GRM7: variants seen among roughly 807,000 people sequenced by gnomAD.
The protein encoded by GRM7 is glutamate metabotropic receptor 7.
A neutral mutation model predicts 84.5 loss-of-function variants in GRM7; 35 were observed. The ratio of observed to expected loss-of-function variants is 0.41; its 90% confidence interval spans 0.32 to 0.55. GRM7 has a LOEUF of 0.55. Among genes scored for constraint, GRM7 ranks in the 20% least tolerant of loss-of-function variants. GRM7 has a pLI of 0.19. For synonymous variants in GRM7, 487 were observed against 455.1 expected (o/e 1.07, Z -0.89); for missense variants, 1,003 against 1,194.6 (o/e 0.84, Z 2.36).
chr3:7,561,785 T>C (rs1694038692), intron 7 of GRM7, among the ~76,000 whole-genome samples: 1 of 152,180 alleles, frequency 6.6e-6, no homozygotes, highest in South Asian at 2.1e-4. Flanking sequence ...GTTTGTGAGA[T>C]AGTAGATTCT....
chr3:7,681,564 TGTGAC>T (rs1700369268), intron 9 of GRM7: 1 of 152,218 alleles, frequency 6.6e-6, no homozygotes, highest in Non-Finnish European at 1.5e-5. Context: ...AGTTTGACTT[TGTGAC>T]AGAAGTCCTA....
intron 1 of GRM7, among the ~76,000 whole-genome samples, chr3:7,002,775 G>C (rs1332980893): frequency 6.6e-6 from 1 of 152,154 alleles, no homozygotes; most frequent in Non-Finnish European, 1.5e-5. Flanking sequence ...ATGCTGAAGA[G>C]TTGTCTCCAC....
intron 4 of GRM7, among the ~76,000 whole-genome samples, chr3:7,394,566 G>A (rs1473110988): frequency 6.6e-6 from 1 of 151,918 alleles, no homozygotes; most frequent in Non-Finnish European, 1.5e-5. Context: ...ATTTTTTGAG[G>A]GTGATATAAA....
chr3:6,896,815 A>G (rs1696199690), intron 1 of GRM7, among the ~76,000 whole-genome samples: 1 of 152,100 alleles, frequency 6.6e-6, no homozygotes, highest in Non-Finnish European at 1.5e-5. Flanking sequence ...TTGAATTCTT[A>G]GTCCCATTGT....
chr3:6,862,722 T>TCCCCCCCC lies in GRM7; in HGVS notation c.519+822_519+823insCCCCCCCC, dbSNP rs150780642. ...ATCGCTCTCCCTGCCTCCTCCCTCC[T>TCCCCCCCC]CCCCCCCGCCCCCCTCACCCACTAT... On this transcript the variant is annotated intron_variant, in intron 1 of 9. Coordinates refer to ENST00000357716, the MANE Select transcript of GRM7 (RefSeq NM_000844.4). This position sits in a 1 kb window ranked among gnomAD's most constrained non-coding sequence, Gnocchi z 5.2. 3 of 241,762 alleles carry TCCCCCCCC rather than the reference T, an allele frequency of 1.2e-5. No homozygotes were observed. Among genetic ancestry groups the TCCCCCCCC allele is most frequent in the South Asian group, 3.0e-5 (1 of 33,380 alleles). 15.0% of individuals were successfully genotyped at this position (241,762 alleles called of 1,614,324 possible).
chr3:7,066,515 G>T (rs1375971700), intron 1 of GRM7, among the ~76,000 whole-genome samples: 1 of 151,768 alleles, frequency 6.6e-6, no homozygotes, highest in African/African-American at 2.4e-5. Context: ...CAAGCAGCAA[G>T]ATTGAAATGG....
At chr3:7,068,457 G>A (rs1697747441) in intron 1 of GRM7, among the ~76,000 whole-genome samples, 1 of 151,934 alleles carries the variant, frequency 6.6e-6, no homozygotes, top group Non-Finnish European at 1.5e-5. Flanking sequence ...TCAACAAACT[G>A]TTTTTCTACT....
chr3:7,388,805 C>A (rs1478738649), intron 4 of GRM7, among the ~76,000 whole-genome samples: 1 of 151,950 alleles, frequency 6.6e-6, no homozygotes, highest in African/African-American at 2.4e-5. Context: ...GTTAATCAGG[C>A]TATCAATCTT....
At chr3:7,235,619 T>C (rs1697325058) in intron 2 of GRM7, among the ~76,000 whole-genome samples, 1 of 152,186 alleles carries the variant, frequency 6.6e-6, no homozygotes, top group South Asian at 2.1e-4. Context: ...TCCTCATCCA[T>C]CATACATTTA....
At chr3:6,864,147 A>C (rs769797955) in intron 1 of GRM7, among the ~76,000 whole-genome samples, 1 of 152,176 alleles carries the variant, frequency 6.6e-6, no homozygotes, top group Non-Finnish European at 1.5e-5. Context: ...TCTAATTTGC[A>C]AATTGCAGCT....
At chr3:7,400,927 T>TAAATACTGTGCTA (rs1169948196) in intron 4 of GRM7, among the ~76,000 whole-genome samples, 9 of 152,178 alleles carry the variant, frequency 5.9e-5, no homozygotes, top group Admixed American at 5.2e-4. Context: ...AGAATTGAAA[T>TAAATACTGTGCTA]AATATATCAT....
intron 2 of GRM7, among the ~76,000 whole-genome samples, chr3:7,219,325 C>G (rs1696721024): frequency 6.6e-6 from 1 of 152,154 alleles, no homozygotes; most frequent in African/African-American, 2.4e-5. Flanking sequence ...TCAGAACAGA[C>G]AGAGCTCATA....
At chr3:7,362,887 C>A (rs1575221568) in intron 4 of GRM7, among the ~76,000 whole-genome samples, 3 of 152,064 alleles carry the variant, frequency 2.0e-5, no homozygotes, top group Admixed American at 6.6e-5. Context: ...CAGCAATTTG[C>A]GAGGCCAGGG....
chr3:7,078,316 G>A (rs1698163713), intron 1 of GRM7, among the ~76,000 whole-genome samples: 1 of 152,174 alleles, frequency 6.6e-6, no homozygotes. Flanking sequence ...CCCTGCCTAA[G>A]GCCTATTGAT....
At chr3:7,185,631 T>A (rs1165256744) in intron 2 of GRM7, among the ~76,000 whole-genome samples, 3 of 152,190 alleles carry the variant, frequency 2.0e-5, no homozygotes, top group African/African-American at 7.2e-5. Flanking sequence ...CTTGAAGTAG[T>A]TCTTAAGAAG....
chr3:7,514,960 T>C (rs139021892), intron 7 of GRM7, among the ~76,000 whole-genome samples: 1 of 151,952 alleles, frequency 6.6e-6, no homozygotes, highest in East Asian at 1.9e-4. Context: ...GACTGTTGAG[T>C]CACAGAAGAC....
chr3:7,089,729 A>G (rs1331896478), intron 1 of GRM7, among the ~76,000 whole-genome samples: 1 of 152,248 alleles, frequency 6.6e-6, no homozygotes, highest in Non-Finnish European at 1.5e-5. Flanking sequence ...GTCAAAGAGA[A>G]AGATACCAAG....
intron 8 of GRM7, among the ~76,000 whole-genome samples, chr3:7,668,343 C>G (rs1430846984): frequency 1.3e-5 from 2 of 152,186 alleles, no homozygotes; most frequent in South Asian, 4.1e-4. Flanking sequence ...TTTAACATCA[C>G]CAATTAAGTC....
intron 8 of GRM7, among the ~76,000 whole-genome samples, chr3:7,626,656 T>C (rs1697628665): frequency 6.6e-6 from 1 of 152,148 alleles, no homozygotes; most frequent in South Asian, 2.1e-4. Context: ...GATCCTTCTG[T>C]ATGTGTCCAA....
Sources: allele counts gnomAD v4.1 joint callset (sites outside exome capture counted in the v4.1 genomes callset), GRCh38; gene constraint gnomAD v4.1.1; non-coding constraint Gnocchi (gnomAD v3.1); transcripts MANE v1.5; gene names NCBI Gene and HGNC (gene_info 2026-07-23, HGNC 2026-07-21).